Variants in ZC3H12B observed in about 807,000 individuals in gnomAD.
ZC3H12B encodes zinc finger CCCH-type containing 12B.
In ZC3H12B, 7 loss-of-function variants were observed where a neutral mutation model predicts 43.9. The ratio of observed to expected loss-of-function variants is 0.16; its 90% CI spans 0.09 to 0.30. ZC3H12B has a LOEUF of 0.30. Among genes scored for constraint, ZC3H12B ranks in the 10% least tolerant of loss-of-function variants. The pLI, the probability that ZC3H12B is intolerant of heterozygous loss-of-function variation, is 1.00. For missense variants in ZC3H12B, 475 were observed against 670.2 expected (o/e 0.71, Z 3.22); for synonymous variants, 222 against 241.7 (o/e 0.92, Z 0.76).
At chrX:65,174,623 G>A in the ZC3H12B span, among the ~76,000 whole-genome samples, 9 of 112,008 alleles carry the variant, frequency 8.0e-5, no homozygotes, top group East Asian at 2.8e-4. Context: ...CGCTTGCTGC[G>A]CTGTGGTGAG....
the ZC3H12B span, among the ~76,000 whole-genome samples, chrX:65,224,026 C>G: frequency 8.9e-6 from 1 of 111,949 alleles, no homozygotes; most frequent in South Asian, 3.7e-4. Flanking sequence ...GCACAATTCA[C>G]AATTGCAAAA....
At chrX:65,400,543 TA>T (rs2066750875) in intron 3 of ZC3H12B, among the ~76,000 whole-genome samples, 2 of 112,112 alleles carry the variant, frequency 1.8e-5, no homozygotes, top group Admixed American at 1.9e-4. Context: ...TTTATGCTTG[TA>T]AAGATTTTAA....
At chrX:65,267,822 G>A in the ZC3H12B span, among the ~76,000 whole-genome samples, 1 of 110,820 alleles carries the variant, frequency 9.0e-6, no homozygotes, top group Admixed American at 9.7e-5. Flanking sequence ...ATTTTTTAAA[G>A]GATATTAAAA....
At chrX:65,302,970 C>A in the ZC3H12B span, among the ~76,000 whole-genome samples, 1 of 111,360 alleles carries the variant, frequency 9.0e-6, no homozygotes, top group Non-Finnish European at 1.9e-5. Context: ...ACAAAAAAAT[C>A]TAAACACAGA....
At chrX:65,471,800 C>T (rs2067917983) in intron 3 of ZC3H12B, among the ~76,000 whole-genome samples, 1 of 111,189 alleles carries the variant, frequency 9.0e-6, no homozygotes, top group Non-Finnish European at 1.9e-5. Context: ...TTAAGTGGAA[C>T]ATTTAGATCA....
the ZC3H12B span, among the ~76,000 whole-genome samples, chrX:65,122,337 A>C: frequency 0.019 from 2,118 of 111,179 alleles, 21 homozygotes; most frequent in Non-Finnish European, 0.031. Context: ...GCAAATGCTG[A>C]GAGATTTTGT....
chrX:65,163,643 G>A, the ZC3H12B span, among the ~76,000 whole-genome samples: 1 of 111,750 alleles, frequency 8.9e-6, no homozygotes. Flanking sequence ...ATTAGGGTGG[G>A]AGTGACCTGA....
At chrX:65,258,138 C>G in the ZC3H12B span, among the ~76,000 whole-genome samples, 1 of 111,216 alleles carries the variant, frequency 9.0e-6, no homozygotes, top group Non-Finnish European at 1.9e-5. Context: ...AAATCCTCAA[C>G]AAAATACTAG....
chrX:65,112,928 A>G, the ZC3H12B span, among the ~76,000 whole-genome samples: 1 of 112,190 alleles, frequency 8.9e-6, no homozygotes, highest in Admixed American at 9.5e-5. Flanking sequence ...AGAGATAATG[A>G]TTCTTCTGAT....
chrX:65,219,072 A>G, the ZC3H12B span, among the ~76,000 whole-genome samples: 1,674 of 111,471 alleles, frequency 0.015, 13 homozygotes, highest in Non-Finnish European at 0.02. Context: ...GAAGAGAAAT[A>G]GCAGTCGCTG....
chrX:65,153,282 C>G, the ZC3H12B span, among the ~76,000 whole-genome samples: 1 of 111,957 alleles, frequency 8.9e-6, no homozygotes, highest in African/African-American at 3.2e-5. Context: ...AAACTATCAT[C>G]AGAGTGAACA....
At chrX:65,168,860 G>T in the ZC3H12B span, among the ~76,000 whole-genome samples, 2 of 111,640 alleles carry the variant, frequency 1.8e-5, no homozygotes. Flanking sequence ...ATGGTAGTTT[G>T]TATTTCTGTG....
the ZC3H12B span, among the ~76,000 whole-genome samples, chrX:65,112,307 A>G: frequency 3.6e-5 from 4 of 112,524 alleles, no homozygotes; most frequent in Admixed American, 9.4e-5. Flanking sequence ...GTTTAAGGAA[A>G]GAAGCTGTCT....
Position 65,401,083 on chromosome X carries a change from GA to G in ZC3H12B, n.407+2393del, listed in dbSNP as rs113577235. 9.8e-3 allele frequency among the ~76,000 whole-genome samples: 871 copies of G among 88,642 alleles called. 13 individuals are homozygous for G. Among genetic ancestry groups the G allele is most frequent in the African/African-American group, 0.027 (720 of 26,202 alleles). 77.0% of individuals were successfully genotyped at this position (88,642 alleles called of 115,157 possible). On this transcript the variant is annotated intron_variant and non_coding_transcript_variant, in intron 3 of 5. Transcript: ENST00000617377. ...ATCAATTTAATTACTATCTACAGAG[GA>G]AAAAAAAAAAAAACACCTTCATTAG... is the stretch of plus-strand genomic sequence containing the variant.
intron 3 of ZC3H12B, among the ~76,000 whole-genome samples, chrX:65,425,096 A>G (rs2067064822): frequency 8.9e-6 from 1 of 111,871 alleles, no homozygotes. Context: ...TCTATTCATG[A>G]GCATAGAATG....
the ZC3H12B span, among the ~76,000 whole-genome samples, chrX:65,113,983 T>TTGTG: frequency 2.4e-4 from 6 of 25,331 alleles, no homozygotes; most frequent in African/African-American, 4.8e-4. Context: ...TGAGATATGC[T>TTGTG]TGTATATATA....
the ZC3H12B span, among the ~76,000 whole-genome samples, chrX:65,285,442 T>G: frequency 1.8e-5 from 2 of 110,558 alleles, no homozygotes; most frequent in African/African-American, 6.6e-5. Context: ...AGTAAAAGTT[T>G]AAAAAGAAAA....
chrX:65,133,013 T>A, the ZC3H12B span, among the ~76,000 whole-genome samples: 1 of 110,553 alleles, frequency 9.0e-6, no homozygotes, highest in East Asian at 2.9e-4. Flanking sequence ...TCCAGTGGGG[T>A]CCTGTACAGA....
At chrX:65,250,020 G>A in the ZC3H12B span, among the ~76,000 whole-genome samples, 1 of 110,056 alleles carries the variant, frequency 9.1e-6, no homozygotes, top group South Asian at 3.9e-4. Flanking sequence ...CATGTGCCAT[G>A]CTGGTGTGCT....
Sources: allele counts gnomAD v4.1 joint callset (sites outside exome capture counted in the v4.1 genomes callset), GRCh38; gene constraint gnomAD v4.1.1; transcripts MANE v1.5; gene names NCBI Gene and HGNC (gene_info 2026-07-23, HGNC 2026-07-21).